Variants in SOX5 observed in about 807,000 individuals in gnomAD.
The protein encoded by SOX5 is transcription factor SOX-5.
Under a neutral mutation model 92.0 loss-of-function variants are expected in SOX5, and 9 were observed. That is an observed-to-expected ratio of 0.10 (90% confidence interval 0.06 to 0.17). SOX5 has a LOEUF of 0.17. Ranked by LOEUF, SOX5 falls within the 10% of genes least tolerant of loss-of-function variation. SOX5 has a pLI of 1.00. For missense variants in SOX5, 642 were observed against 944.5 expected (o/e 0.68, Z 4.20); for synonymous variants, 344 against 336.3 (o/e 1.02, Z -0.25).
chr12:23,835,608 T>A (rs927409138), intron 3 of SOX5, among the ~76,000 whole-genome samples: 4 of 151,854 alleles, frequency 2.6e-5, no homozygotes, highest in African/African-American at 9.7e-5. Context: ...TGATCTCTAT[T>A]GAGGCATAAG....
chr12:24,149,820 T>C (rs1172805243), intron 4 of SOX5, among the ~76,000 whole-genome samples: 1 of 152,166 alleles, frequency 6.6e-6, no homozygotes, highest in African/African-American at 2.4e-5. Context: ...TAAAATGGGA[T>C]ATTGCTCTGC....
intron 1 of SOX5, among the ~76,000 whole-genome samples, chr12:24,555,131 G>A (rs1287935666): frequency 2.0e-5 from 3 of 152,224 alleles, no homozygotes; most frequent in Non-Finnish European, 4.4e-5. Context: ...TGAGTTCAGT[G>A]CTTTGTGGTG....
chr12:24,503,604 A>G (rs146983559), intron 1 of SOX5, among the ~76,000 whole-genome samples: 178 of 152,334 alleles, frequency 1.2e-3, no homozygotes, highest in African/African-American at 4.0e-3. Context: ...GATGGGATAA[A>G]GAAAATGTGG....
intron 3 of SOX5, among the ~76,000 whole-genome samples, chr12:23,781,309 A>C (rs542269254): frequency 4.4e-4 from 67 of 151,714 alleles, no homozygotes; most frequent in African/African-American, 1.6e-3. Flanking sequence ...AACTAACCAC[A>C]GGACTAAAAG....
intron 7 of SOX5, among the ~76,000 whole-genome samples, chr12:23,646,822 G>A (rs1270190549): frequency 6.6e-6 from 1 of 152,146 alleles, no homozygotes; most frequent in Admixed American, 6.5e-5. Context: ...TCTAATTCTA[G>A]TTCTACTGCT....
At chr12:24,206,221 C>T (rs1263039633) in intron 4 of SOX5, among the ~76,000 whole-genome samples, 1 of 152,158 alleles carries the variant, frequency 6.6e-6, no homozygotes, top group Non-Finnish European at 1.5e-5. Context: ...AAGAAAATTA[C>T]CTGTAATACA....
intron 4 of SOX5, among the ~76,000 whole-genome samples, chr12:23,993,174 T>C (rs957051791): frequency 1.3e-5 from 2 of 152,144 alleles, no homozygotes; most frequent in Admixed American, 1.3e-4. Flanking sequence ...TTGACACTGT[T>C]CAGAATAATA....
intron 2 of SOX5, among the ~76,000 whole-genome samples, chr12:24,365,238 G>C (rs1307593236): frequency 1.3e-5 from 2 of 151,988 alleles, no homozygotes; most frequent in African/African-American, 2.4e-5. Context: ...TCCCATTTTT[G>C]AGTGATATTT....
At position 23,687,876 on chromosome 12, in the gene SOX5, C is replaced by CTT. The variant is rs10632537; in HGVS notation, c.811-22314_811-22313dup. Among the ~76,000 whole-genome samples, 1,261 of 149,106 alleles carry CTT rather than the reference C, an allele frequency of 8.5e-3. 18 individuals carry two copies. The highest frequency in any genetic ancestry group is 0.027 in the African/African-American group (1,094 of 40,734). On this transcript the variant is annotated intron_variant, in intron 6 of 14. Coordinates refer to ENST00000451604, the MANE Select transcript of SOX5 (RefSeq NM_006940.6). Reference sequence around the variant, plus strand: ...TGTGTTATTGGGTAGTGCCAGTTCACTTTTTTTTTTTCATTTTAACAAAAA... The same window carrying CTT: ...TGTGTTATTGGGTAGTGCCAGTTCACTTTTTTTTTTTTTCATTTTAACAAAAA...
chr12:23,892,361 G>A lies in SOX5; in HGVS notation c.270+3432C>T, dbSNP rs76353811. Among the ~76,000 whole-genome samples, 1,260 of 152,250 alleles carry A rather than the reference G, an allele frequency of 8.3e-3. 17 individuals carry two copies. The highest frequency in any genetic ancestry group is 0.029 in the African/African-American group (1,204 of 41,544). On this transcript the variant is annotated intron_variant, in intron 2 of 14. Transcript: ENST00000451604. The stretch of plus-strand genomic sequence containing the variant: ...CCATCTGGTATGCTCATGAACATGT[G>A]TGAAAAGCTTGGCATTACCAGGGCA...
chr12:24,234,678 C>T (rs985717544), intron 3 of SOX5, among the ~76,000 whole-genome samples: 21 of 152,156 alleles, frequency 1.4e-4, no homozygotes, highest in African/African-American at 4.6e-4. Context: ...GCCACCACGC[C>T]GGCCAAAATA....
At chr12:23,825,353 C>T (rs756485175) in intron 3 of SOX5, among the ~76,000 whole-genome samples, 5 of 152,134 alleles carry the variant, frequency 3.3e-5, no homozygotes, top group South Asian at 2.1e-4. Flanking sequence ...TTGCAATTCC[C>T]GGGTGAGGCA....
intron 4 of SOX5, among the ~76,000 whole-genome samples, chr12:24,200,664 A>T (rs980416480): frequency 6.6e-6 from 1 of 152,202 alleles, no homozygotes; most frequent in Non-Finnish European, 1.5e-5. Context: ...TCTGGACAGA[A>T]GGATCTTCTC....
intron 6 of SOX5, among the ~76,000 whole-genome samples, chr12:23,715,149 AT>A (rs1341406336): frequency 1.3e-5 from 2 of 152,010 alleles, no homozygotes; most frequent in Non-Finnish European, 2.9e-5. Context: ...AATGCAAAAA[AT>A]TAGCCGGGTG....
At chr12:24,103,507 A>G (rs1946329532) in intron 4 of SOX5, among the ~76,000 whole-genome samples, 1 of 152,134 alleles carries the variant, frequency 6.6e-6, no homozygotes, top group African/African-American at 2.4e-5. Flanking sequence ...GCCATATGCC[A>G]CCATGGCCAG....
At chr12:24,306,441 G>T (rs1246131346) in intron 2 of SOX5, among the ~76,000 whole-genome samples, 1 of 152,204 alleles carries the variant, frequency 6.6e-6, no homozygotes, top group East Asian at 1.9e-4. Context: ...CATAAAAAAA[G>T]CAGAGAGCGC....
intron 1 of SOX5, among the ~76,000 whole-genome samples, chr12:24,507,600 T>C (rs1233877960): frequency 1.3e-5 from 2 of 152,190 alleles, no homozygotes; most frequent in Non-Finnish European, 2.9e-5. Context: ...AAGACTTTTT[T>C]GCAACAACTT....
chr12:24,022,126 T>C (rs1411535750), intron 4 of SOX5, among the ~76,000 whole-genome samples: 1 of 152,116 alleles, frequency 6.6e-6, no homozygotes, highest in Non-Finnish European at 1.5e-5. Flanking sequence ...AGACAGATCA[T>C]AAACAAACGC....
intron 4 of SOX5, among the ~76,000 whole-genome samples, chr12:24,139,035 C>G (rs1565513111): frequency 1.3e-5 from 2 of 152,202 alleles, no homozygotes; most frequent in Non-Finnish European, 2.9e-5. Context: ...CACCAGACAA[C>G]AGGCATGCAA....
Sources: allele counts gnomAD v4.1 joint callset (sites outside exome capture counted in the v4.1 genomes callset), GRCh38; gene constraint gnomAD v4.1.1; transcripts MANE v1.5; gene names NCBI Gene and HGNC (gene_info 2026-07-23, HGNC 2026-07-21).